Variants in SERPINF2 observed in about 807,000 individuals in gnomAD.
SERPINF2 encodes alpha-2-antiplasmin.
In SERPINF2, 15 loss-of-function variants were observed where a neutral mutation model predicts 45.0. The ratio of observed to expected loss-of-function variants is 0.33; its 90% CI spans 0.22 to 0.51. The LOEUF (loss-of-function observed/expected upper bound fraction) is 0.51, where lower values mean the gene tolerates loss of function less well. Among genes scored for constraint, SERPINF2 ranks in the 20% least tolerant of loss-of-function variants. The pLI, the probability that SERPINF2 is intolerant of heterozygous loss-of-function variation, is 0.97. For missense variants in SERPINF2, 518 were observed against 637.4 expected (o/e 0.81, Z 2.02); for synonymous variants, 283 against 277.9 (o/e 1.02, Z -0.18).
chr17:1,752,942 C>G lies in SERPINF2; in HGVS notation c.1063+152C>G, dbSNP rs1395990648. 6 of 697,402 alleles carry G rather than the reference C, an allele frequency of 8.6e-6. No individual in the cohort carries two copies. The Admixed American group carries it at 1.1e-4, about 13-fold the overall frequency. The allele number at this position is 697,402 out of a possible 1,614,324, so 43.2% of individuals were successfully genotyped here. On this transcript the variant is annotated intron_variant, in intron 9 of 9. Coordinates refer to ENST00000453066, the MANE Select transcript of SERPINF2 (RefSeq NM_000934.4). Reference sequence around the variant, plus strand: ...GAGCGGGGAGAGGGTTGAATATGAGCCCCCAGACCCTCTGTCCTAGAGGAA... The same window carrying G: ...GAGCGGGGAGAGGGTTGAATATGAGGCCCCAGACCCTCTGTCCTAGAGGAA...
intron 6 of SERPINF2, 22 bp downstream of exon 6, chr17:1,747,184 C>A (rs1189209073): frequency 1.2e-6 from 2 of 1,611,728 alleles, no homozygotes; most frequent in Admixed American, 3.3e-5. Context: ...TGGCAGGGAG[C>A]TCCCTCAGTC....
intron 8 of SERPINF2, among the ~76,000 whole-genome samples, chr17:1,751,720 C>G (rs1013202503): frequency 7.2e-6 from 1 of 138,476 alleles, no homozygotes; most frequent in Admixed American, 7.2e-5. Flanking sequence ...CGCCACTGCA[C>G]TCCAGCCTGG....
At chr17:1,750,218 G>A (rs1483375824) in intron 8 of SERPINF2, among the ~76,000 whole-genome samples, 5 of 152,030 alleles carry the variant, frequency 3.3e-5, no homozygotes, top group Non-Finnish European at 7.4e-5. Flanking sequence ...GTGCAATCTC[G>A]GTTCACTGCA....
In SERPINF2 at chr17:1,752,585, G is replaced by A; in HGVS notation, c.859-1G>A. 6.2e-7 allele frequency: 1 copy of A among 1,613,956 alleles called. No individual in the cohort carries two copies. On this transcript the variant is annotated splice_acceptor_variant, in intron 8 of 9. Coordinates refer to ENST00000453066, the MANE Select transcript of SERPINF2 (RefSeq NM_000934.4). LOFTEE classifies it high-confidence loss of function. The stretch of plus-strand genomic sequence containing the variant: ...ATGCTCTTCCCTTCCCTTTTCTGTA[G>A]GTGGCTCATTTCCCCTTTAAGAACA...
intron 8 of SERPINF2, 86 bp from the exon 9 acceptor site, chr17:1,752,500 G>A: frequency 8.2e-7 from 1 of 1,222,668 alleles, no homozygotes; most frequent in East Asian, 2.3e-5. Flanking sequence ...GAGCCCCATT[G>A]TCTGCCTTAG....
intron 8 of SERPINF2, among the ~76,000 whole-genome samples, chr17:1,751,476 G>A (rs1324150990): frequency 7.7e-6 from 1 of 130,536 alleles, no homozygotes; most frequent in Middle Eastern, 4.2e-3. Flanking sequence ...GAGGCTGGGT[G>A]TGGTTTACAG....
intron 8 of SERPINF2, among the ~76,000 whole-genome samples, chr17:1,750,202 G>A (rs538125811): frequency 8.5e-5 from 13 of 152,220 alleles, no homozygotes; most frequent in South Asian, 6.2e-4. Context: ...AGACTGGAGT[G>A]CAGTGGTGCA....
chr17:1,743,795 G>T (rs1309116427), intron 1 of SERPINF2, among the ~76,000 whole-genome samples: 1 of 151,948 alleles, frequency 6.6e-6, no homozygotes, highest in Admixed American at 6.6e-5. Flanking sequence ...GAGCTCTGCG[G>T]TGGAGGCTTC....
At chr17:1,752,509 A>G in intron 8 of SERPINF2, 77 bp from the exon 9 acceptor site, 1 of 1,329,296 alleles carries the variant, frequency 7.5e-7, no homozygotes, top group Admixed American at 1.7e-5. Context: ...TGTCTGCCTT[A>G]GGAGCACCTG....
chr17:1,747,589 A>G, intron 7 of SERPINF2, 77 bp downstream of exon 7: 1 of 1,483,992 alleles, frequency 6.7e-7, no homozygotes, highest in East Asian at 2.4e-5. Flanking sequence ...TTTTTGAGAC[A>G]AGTCTCGCTC....
chr17:1,747,118 G>A lies in SERPINF2; in HGVS notation c.467G>A (p.Gly156Asp). 1 of 1,611,650 alleles carries A rather than the reference G, an allele frequency of 6.2e-7. No individual in the cohort carries two copies. The highest frequency in any genetic ancestry group is 8.5e-7 in the Non-Finnish European group (1 of 1,179,972). Residue 156 changes from glycine (G) to aspartate (D), a missense_variant, in exon 6 of 10, where the codon GGC (glycine) becomes GAC (aspartate). Around this residue, in one of 2 missense-constraint regions of SERPINF2, gnomAD observed 435 missense variants for 577.3 expected, o/e 0.75. Coordinates refer to ENST00000453066, the MANE Select transcript of SERPINF2 (RefSeq NM_000934.4). ...HLLSRLCQDL[G>D]PGAFRLAARM... ...CTGAGCCGCCTCTGCCAGGACCTGG[G>A]CCCCGGCGCGTTCCGACTGGCTGCC...
In SERPINF2 at chr17:1,743,005, T is replaced by C. The variant is rs1014291646; in HGVS notation, c.-5+97T>C. On this transcript the variant is annotated intron_variant, in intron 1 of 9. Coordinates refer to ENST00000453066, the MANE Select transcript of SERPINF2 (RefSeq NM_000934.4). ...GGGTCTGGGATTTATTCAGGAGGCC[T>C]GTCACTCCCCAGCCTCTTCTGGGAC... The C allele has an allele frequency of 1.5e-5, 15 of 985,426 alleles. No homozygotes were observed. In the African/African-American group the frequency reaches 2.1e-4, roughly 14 times the overall value. 61.0% of individuals were successfully genotyped at this position (985,426 alleles called of 1,614,324 possible). A position where few individuals can be genotyped will look rare whatever the true frequency, so the allele number is the denominator to read the frequency against.
Position 1,748,661 on chromosome 17 carries a change from AGTTCAC to A in SERPINF2, c.781_786del (p.Phe261_Thr262del). ...AGAGACTCCTTCCACCTGGACGAGC[AGTTCAC>A]GGTGCCCGTGGAAATGATGCAGGCC... On this transcript the variant is annotated inframe_deletion, in exon 8 of 10. Coordinates refer to ENST00000453066, the MANE Select transcript of SERPINF2 (RefSeq NM_000934.4). 1 of 1,613,492 alleles carries A rather than the reference AGTTCAC, an allele frequency of 6.2e-7. No individual in the cohort carries two copies. The highest frequency in any genetic ancestry group is 8.5e-7 in the Non-Finnish European group (1 of 1,179,432).
chr17:1,752,348 G>C (rs867827341), intron 8 of SERPINF2, among the ~76,000 whole-genome samples: 32 of 152,222 alleles, frequency 2.1e-4, no homozygotes, highest in South Asian at 1.0e-3. Context: ...GAGCCCCCAT[G>C]CCCGGCCACA....
At chr17:1,752,187 G>A (rs997359787) in intron 8 of SERPINF2, among the ~76,000 whole-genome samples, 2 of 151,892 alleles carry the variant, frequency 1.3e-5, no homozygotes, top group Non-Finnish European at 2.9e-5. Context: ...GAGTTGCTGC[G>A]ATTACAAGCG....
rs573574480 is a variant in SERPINF2, at chr17:1,750,272, C to T, written c.858+1532C>T. 2.6e-5 allele frequency among the ~76,000 whole-genome samples: 4 copies of T among 152,244 alleles called. No homozygotes were observed. In the South Asian group the frequency reaches 6.2e-4, roughly 24 times the overall value. On this transcript the variant is annotated intron_variant, in intron 8 of 9. Coordinates refer to ENST00000453066, the MANE Select transcript of SERPINF2 (RefSeq NM_000934.4). Reference sequence around the variant, plus strand: ...CAAGGGATTCTCCTGCCTCAGCCTCCCGAGTAGCTTGGACTACAGGCGCCC... The same window carrying T: ...CAAGGGATTCTCCTGCCTCAGCCTCTCGAGTAGCTTGGACTACAGGCGCCC...
chr17:1,749,939 T>C (rs1377266992), intron 8 of SERPINF2, among the ~76,000 whole-genome samples: 1 of 151,736 alleles, frequency 6.6e-6, no homozygotes, highest in Non-Finnish European at 1.5e-5. Context: ...ATTGGATTTC[T>C]CAGCATCTTG....
intron 8 of SERPINF2, among the ~76,000 whole-genome samples, chr17:1,750,795 C>G (rs56679346): frequency 0.23 from 34,709 of 152,064 alleles, 5,010 homozygotes; most frequent in East Asian, 0.51. Flanking sequence ...GGCAGCCCTC[C>G]TGGGAGGGGG....
intron 1 of SERPINF2, among the ~76,000 whole-genome samples, chr17:1,743,426 C>T (rs767868225): frequency 1.1e-4 from 16 of 152,274 alleles, no homozygotes; most frequent in Middle Eastern, 6.8e-3. Flanking sequence ...CTGAGAAAGA[C>T]GGGTTGGGGC....
Sources: gnomAD v4.1 joint callset for allele counts (sites outside exome capture counted in the v4.1 genomes callset) on GRCh38, gnomAD v4.1.1 for gene constraint, gnomAD v4.1.1 regional missense constraint, MANE v1.5 for transcripts, NCBI Gene and HGNC (gene_info 2026-07-23, HGNC 2026-07-21) for gene names.